LYN: variants seen among roughly 807,000 people sequenced by gnomAD.
The protein encoded by LYN is LYN proto-oncogene, Src family tyrosine kinase, also known as tyrosine-protein kinase Lyn.
A neutral mutation model predicts 65.0 loss-of-function variants in LYN; 12 were observed. The ratio of observed to expected loss-of-function variants is 0.18; its 90% CI spans 0.12 to 0.30. LYN has a LOEUF of 0.30. LYN is among the 10% of genes least tolerant of loss of function. The pLI is 1.00. For missense variants in LYN, 380 were observed against 623.2 expected, an observed-to-expected ratio of 0.61 and a Z score of 4.16; for synonymous variants, 222 against 221.2, an observed-to-expected ratio of 1.00 and a Z score of -0.03.
At chr8:55,898,010 T>C (rs1245138046) in intron 1 of LYN, among the ~76,000 whole-genome samples, 1 of 152,184 alleles carries the variant, frequency 6.6e-6, no homozygotes, top group Non-Finnish European at 1.5e-5. Context: ...AAGAAAACTT[T>C]TTATGTTTTT....
In LYN at chr8:55,946,588, G is replaced by A. The variant is rs1585626951; in HGVS notation, c.178+95G>A. ...CTAAATGTTTTTATTTTTTTTTATT[G>A]TGGGACATATATAACATAAAAATTT... On this transcript the variant is annotated intron_variant, in intron 3 of 12. Coordinates refer to ENST00000519728, the MANE Select transcript of LYN (RefSeq NM_002350.4). The A allele has an allele frequency of 1.8e-5, 15 of 812,310 alleles. No individual in the cohort carries two copies. In the East Asian group the frequency reaches 3.7e-4, roughly 20 times the overall value. The allele number at this position is 812,310 out of a possible 1,614,324, so 50.3% of individuals were successfully genotyped here.
chr8:55,956,816 T>C (rs1473706296), intron 8 of LYN, among the ~76,000 whole-genome samples: 1 of 152,168 alleles, frequency 6.6e-6, no homozygotes, highest in Admixed American at 6.5e-5. Context: ...AGGATCGCAA[T>C]CACACTTAAT....
Position 55,950,619 on chromosome 8 carries a change from A to G in LYN, c.383+62A>G, listed in dbSNP as rs370776571. ...TTGCCACATTGGATTTCTTGTTAATATTCTTCACCTTTTTCTTGCCGTGGA... is the reference window on the plus strand; with the variant it reads ...TTGCCACATTGGATTTCTTGTTAATGTTCTTCACCTTTTTCTTGCCGTGGA... On this transcript the variant is annotated intron_variant, in intron 5 of 12. Coordinates refer to ENST00000519728, the MANE Select transcript of LYN (RefSeq NM_002350.4). 1.0e-5 allele frequency: 16 copies of G among 1,572,716 alleles called. No individual in the cohort carries two copies. The African/African-American group carries it at 2.0e-4, about 20-fold the overall frequency.
chr8:55,891,082 G>A lies in LYN; in HGVS notation c.-6+10979G>A, dbSNP rs139036235. ...AAAAAGGAAATGCTGGCTGGGTGCG[G>A]TGGCTCATGCCTGTAATCCCAGCAC... On this transcript the variant is annotated intron_variant, in intron 1 of 12. Coordinates refer to ENST00000519728, the MANE Select transcript of LYN (RefSeq NM_002350.4). 7.1e-3 allele frequency among the ~76,000 whole-genome samples: 1,078 copies of A among 151,952 alleles called. 17 individuals carry two copies. Among genetic ancestry groups the A allele is most frequent in the African/African-American group, 0.024 (1,007 of 41,478 alleles).
intron 1 of LYN, among the ~76,000 whole-genome samples, chr8:55,882,199 A>T (rs1466419460): frequency 6.6e-6 from 1 of 152,176 alleles, no homozygotes; most frequent in Non-Finnish European, 1.5e-5. Context: ...CTGCAAAGGT[A>T]GTTGGCCCAA....
chr8:55,985,392 A>G (rs2667978), intron 10 of LYN, among the ~76,000 whole-genome samples: 27,084 of 152,218 alleles, frequency 0.18, 2,630 homozygotes, highest in Middle Eastern at 0.26. Flanking sequence ...TCCCTCGCAA[A>G]CACATGGTAT....
At chr8:55,925,700 T>TC (rs1416366564) in intron 1 of LYN, among the ~76,000 whole-genome samples, 2 of 152,168 alleles carry the variant, frequency 1.3e-5, no homozygotes, top group African/African-American at 4.8e-5. Flanking sequence ...GGAAACACCA[T>TC]CTAGAGGTGC....
intron 1 of LYN, among the ~76,000 whole-genome samples, chr8:55,897,060 A>T (rs1159178404): frequency 3.9e-5 from 6 of 152,146 alleles, no homozygotes; most frequent in Admixed American, 2.0e-4. Context: ...TTAAATGATG[A>T]GGAAATAACT....
chr8:55,952,264 TA>T (rs1291258556), intron 7 of LYN, 149 bp downstream of exon 7: 6 of 641,344 alleles, frequency 9.4e-6, no homozygotes, highest in Non-Finnish European at 1.5e-5. Flanking sequence ...GGTTCTAAAT[TA>T]ATCTATAGTT....
At chr8:55,990,433 C>A (rs1808216751) in intron 10 of LYN, among the ~76,000 whole-genome samples, 1 of 151,792 alleles carries the variant, frequency 6.6e-6, no homozygotes, top group African/African-American at 2.4e-5. Context: ...TCTTATGGGA[C>A]CTTAAAAGGT....
intron 1 of LYN, among the ~76,000 whole-genome samples, chr8:55,895,040 C>G (rs1805055610): frequency 6.6e-6 from 1 of 152,084 alleles, no homozygotes; most frequent in Non-Finnish European, 1.5e-5. Flanking sequence ...TCTTGAACTC[C>G]TGGTCTCAAG....
In LYN at chr8:55,911,278, TA is replaced by T. The variant is rs1563506773; in HGVS notation, c.-5-30576del. ...GTGTGTATATATATATATATATATA[TA>T]TATATATTTTTTTTTTTTTTTTAGT... On this transcript the variant is annotated intron_variant, in intron 1 of 12. Transcript: ENST00000519728. Among the ~76,000 whole-genome samples, 160 of 50,526 alleles carry T rather than the reference TA, an allele frequency of 3.2e-3. 13 individuals carry two copies. The highest frequency in any genetic ancestry group is 0.01 in the African/African-American group (150 of 14,772). 33.1% of individuals were successfully genotyped at this position (50,526 alleles called of 152,430 possible).
intron 1 of LYN, among the ~76,000 whole-genome samples, chr8:55,933,799 A>G (rs1275486579): frequency 6.6e-6 from 1 of 152,164 alleles, no homozygotes; most frequent in Non-Finnish European, 1.5e-5. Flanking sequence ...ATTGTCTTGC[A>G]ATTCTTTTCT....
chr8:55,983,033 C>T (rs1807972745), intron 10 of LYN, among the ~76,000 whole-genome samples: 1 of 152,106 alleles, frequency 6.6e-6, no homozygotes, highest in Non-Finnish European at 1.5e-5. Flanking sequence ...AATGCCAGCC[C>T]TATGGAAGTC....
chr8:55,903,996 G>A (rs1307409579), intron 1 of LYN, among the ~76,000 whole-genome samples: 1 of 107,436 alleles, frequency 9.3e-6, no homozygotes, highest in Non-Finnish European at 1.9e-5. Context: ...AACAGAGTAA[G>A]ACAGAGTCTC....
intron 1 of LYN, among the ~76,000 whole-genome samples, chr8:55,929,028 A>G (rs552420092): frequency 6.6e-6 from 1 of 152,194 alleles, no homozygotes; most frequent in Non-Finnish European, 1.5e-5. Context: ...CAGTTGTTCC[A>G]GTACCACTTA....
intron 10 of LYN, among the ~76,000 whole-genome samples, chr8:55,986,203 AC>A (rs1216216307): frequency 4.0e-5 from 6 of 150,106 alleles, no homozygotes; most frequent in African/African-American, 1.5e-4. Context: ...GCAAAAAAAA[AC>A]GCTACCTTAT....
At chr8:55,899,607 T>C (rs998785026) in intron 1 of LYN, among the ~76,000 whole-genome samples, 7 of 152,218 alleles carry the variant, frequency 4.6e-5, no homozygotes, top group Non-Finnish European at 7.3e-5. Flanking sequence ...TTATAACAAG[T>C]GTGTGAAGTT....
At chr8:55,903,705 A>G (rs1017831501) in intron 1 of LYN, among the ~76,000 whole-genome samples, 4 of 152,242 alleles carry the variant, frequency 2.6e-5, no homozygotes, top group Admixed American at 6.5e-5. Flanking sequence ...TAACCTGGCT[A>G]TTATTCTAAA....
Sources: allele counts gnomAD v4.1 joint callset (sites outside exome capture counted in the v4.1 genomes callset), GRCh38; gene constraint gnomAD v4.1.1; transcripts MANE v1.5; gene names NCBI Gene and HGNC (gene_info 2026-07-23, HGNC 2026-07-21).